RCN2: variants seen among roughly 807,000 people sequenced by gnomAD.
The protein encoded by RCN2 is reticulocalbin 2.
A neutral mutation model predicts 37.5 loss-of-function variants in RCN2; 23 were observed. That is an observed-to-expected ratio of 0.61 (90% CI 0.44 to 0.87). The LOEUF is 0.87. RCN2 is among the 40% of genes least tolerant of loss of function. The pLI, the probability that RCN2 is intolerant of heterozygous loss-of-function variation, is 0.00. For synonymous variants in RCN2, 140 were observed against 144.6 expected, an observed-to-expected ratio of 0.97 and a Z score of 0.23; for missense variants, 381 against 390.4, an observed-to-expected ratio of 0.98 and a Z score of 0.20.
At chr15:76,948,611 G>T in intron 6 of RCN2, 59 bp downstream of exon 6, 1 of 1,438,210 alleles carries the variant, frequency 7.0e-7, no homozygotes. Flanking sequence ...TGGTGCTGTT[G>T]ATAGGAAAAG....
intron 2 of RCN2, among the ~76,000 whole-genome samples, chr15:76,933,612 T>C (rs1490755461): frequency 6.6e-6 from 1 of 152,188 alleles, no homozygotes. Context: ...CTTAGAAAAG[T>C]TTTAGTCCAA....
At position 76,948,386 on chromosome 15, in the gene RCN2, A is replaced by G. The variant is rs1157815663; in HGVS notation, c.659-24A>G. The G allele has an allele frequency of 5.9e-6, 9 of 1,530,840 alleles. No homozygotes were observed. In the South Asian group the frequency reaches 1.1e-4, roughly 18 times the overall value. The allele number at this position is 1,530,840 out of a possible 1,614,324, so 94.8% of individuals were successfully genotyped here. ...ATACATGTGATATTCTTGTGTATGT[A>G]TATTTGTGTTTTTTTATATTAAGCT... On this transcript the variant is annotated intron_variant, in intron 5 of 6. Transcript: ENST00000394885.
At position 76,943,755 on chromosome 15, in the gene RCN2, A is replaced by G; in HGVS notation, c.448-3A>G. 1 of 1,550,762 alleles carries G rather than the reference A, an allele frequency of 6.4e-7. No individual in the cohort carries two copies. The highest frequency in any genetic ancestry group is 8.8e-7 in the Non-Finnish European group (1 of 1,130,142). On this transcript the variant is annotated splice_polypyrimidine_tract_variant and splice_region_variant and intron_variant, in intron 3 of 6. Coordinates refer to ENST00000394885, the MANE Select transcript of RCN2 (RefSeq NM_002902.3). ...TACTAATGAGAAATTTTAATTTTCAAAGCTTCACTTAAAGGACAAGAAGCG... is the reference window on the plus strand; with the variant it reads ...TACTAATGAGAAATTTTAATTTTCAGAGCTTCACTTAAAGGACAAGAAGCG...
intron 3 of RCN2, among the ~76,000 whole-genome samples, chr15:76,940,220 C>G (rs2075271216): frequency 6.6e-6 from 1 of 151,492 alleles, no homozygotes; most frequent in African/African-American, 2.4e-5. Flanking sequence ...GTCCCAGCTG[C>G]TCAGGAGGCT....
chr15:76,944,519 C>T (rs1043955843), intron 4 of RCN2, among the ~76,000 whole-genome samples: 1 of 152,096 alleles, frequency 6.6e-6, no homozygotes, highest in South Asian at 2.1e-4. Flanking sequence ...AGCGCCCCCT[C>T]CCCCAACACT....
At chr15:76,947,267 T>G (rs2075300217) in intron 4 of RCN2, among the ~76,000 whole-genome samples, 154 bp from the exon 5 acceptor site, 1 of 152,252 alleles carries the variant, frequency 6.6e-6, no homozygotes, top group Non-Finnish European at 1.5e-5. Flanking sequence ...AAGTGATTTT[T>G]CCTGTATAAG....
chr15:76,939,282 T>G (rs977424783), intron 3 of RCN2, among the ~76,000 whole-genome samples: 2 of 148,604 alleles, frequency 1.3e-5, no homozygotes, highest in Non-Finnish European at 3.0e-5. Context: ...AAATAAAAAT[T>G]TCCTCTTTAG....
At chr15:76,941,777 G>C (rs868460343) in intron 3 of RCN2, 1 of 646,026 alleles carries the variant, frequency 1.5e-6, no homozygotes. Context: ...TTTTTTTAAA[G>C]AAATCTCAGC....
rs774160317 is a variant in RCN2, at chr15:76,949,255, C to T, written c.*33C>T. On this transcript the variant is annotated 3_prime_UTR_variant, in exon 7 of 7. Coordinates refer to ENST00000394885, the MANE Select transcript of RCN2 (RefSeq NM_002902.3). ...GCCTGTCTCAGTAGAGTACTGGCTC[C>T]TTTTATAATTTGTTACCAGCTTTAC... is the stretch of plus-strand genomic sequence containing the variant. 3 of 1,408,026 alleles carry T rather than the reference C, an allele frequency of 2.1e-6. No individual in the cohort carries two copies. The highest frequency in any genetic ancestry group is 2.9e-6 in the Non-Finnish European group (3 of 1,052,566). 87.2% of individuals were successfully genotyped at this position (1,408,026 alleles called of 1,614,324 possible).
At chr15:76,933,252 T>C (rs369456868) in intron 2 of RCN2, among the ~76,000 whole-genome samples, 2 of 152,242 alleles carry the variant, frequency 1.3e-5, no homozygotes, top group Non-Finnish European at 2.9e-5. Flanking sequence ...CAGGTTGTTA[T>C]TGTGACTCTT....
chr15:76,947,752 C>A, intron 5 of RCN2: 1 of 419,420 alleles, frequency 2.4e-6, no homozygotes, highest in Non-Finnish European at 4.2e-6. Context: ...TCTTTCTTTT[C>A]AAACAAATCT....
chr15:76,939,231 A>AAATAAAT (rs2075266745), intron 3 of RCN2, among the ~76,000 whole-genome samples: 3 of 144,544 alleles, frequency 2.1e-5, no homozygotes, highest in African/African-American at 7.7e-5. Flanking sequence ...CTCATTTCTA[A>AAATAAAT]AAATAAATAA....
chr15:76,940,580 GCT>G (rs2075273024), intron 3 of RCN2, among the ~76,000 whole-genome samples: 1 of 132,530 alleles, frequency 7.5e-6, no homozygotes, highest in Non-Finnish European at 1.6e-5. Context: ...AGGGAGTGTC[GCT>G]CTGTCACCCA....
Position 76,948,420 on chromosome 15 carries a change from A to G in RCN2, c.669A>G (p.Glu223=). Residue 223 remains glutamate (E), a synonymous_variant, in exon 6 of 7, where the codon GAA becomes GAG. Transcript: ENST00000394885. The part of the protein sequence containing the change: ...GDYRWDPTAN[E]DPEWILVEKD... Reference sequence around the variant, plus strand: ...TTTTTTTATATTAAGCTGCAAATGAAGATCCAGAATGGATACTTGTTGAGA... The same window carrying G: ...TTTTTTTATATTAAGCTGCAAATGAGGATCCAGAATGGATACTTGTTGAGA... 1 of 1,592,168 alleles carries G rather than the reference A, an allele frequency of 6.3e-7. No individual in the cohort carries two copies. Among genetic ancestry groups the G allele is most frequent in the Non-Finnish European group, 8.6e-7 (1 of 1,167,484 alleles).
intron 3 of RCN2, chr15:76,941,761 T>A: frequency 1.8e-5 from 6 of 341,738 alleles, no homozygotes; most frequent in Non-Finnish European, 2.9e-5. Flanking sequence ...CCCCCTTCAC[T>A]TTTTTTTTTT....
chr15:76,953,572 TA>T lies in RCN2; in HGVS notation c.*4351del, dbSNP rs1568463457. 2.7e-3 allele frequency: 49 copies of T among 18,230 alleles called. No individual in the cohort carries two copies. The highest frequency in any genetic ancestry group is 5.0e-3 in the Non-Finnish European group (43 of 8,620). The allele number at this position is 18,230 out of a possible 1,614,324, so 1.1% of individuals were successfully genotyped here. A position where few individuals can be genotyped will look rare whatever the true frequency, so the allele number is the denominator to read the frequency against. On this transcript the variant is annotated 3_prime_UTR_variant, in exon 7 of 7. Transcript: ENST00000394885. ...TAGTAATTCTATATATATATATATATATATATATATATATATATATATTTTT... is the reference window on the plus strand; with the variant it reads ...TAGTAATTCTATATATATATATATATTATATATATATATATATATATTTTT...
chr15:76,938,925 G>T (rs2075264956), intron 3 of RCN2: 4 of 362,438 alleles, frequency 1.1e-5, no homozygotes, highest in Non-Finnish European at 1.2e-5. Flanking sequence ...TCAGCACTTT[G>T]GGAAGCCAAG....
intron 5 of RCN2, 26 bp downstream of exon 5, chr15:76,947,543 A>G (rs2075301427): frequency 7.2e-7 from 1 of 1,395,710 alleles, no homozygotes; most frequent in Non-Finnish European, 1.0e-6. Flanking sequence ...GAATGTGAAA[A>G]GAGAAAAGGA....
In RCN2 at chr15:76,954,129, A is replaced by T. The variant is rs1220274155; in HGVS notation, c.*4907A>T. ...TTGTGGCTTTGATTTGCATTTCCCT[A>T]ATGGTCTGTCTCTACAGTTTTGCCT... On this transcript the variant is annotated 3_prime_UTR_variant, in exon 7 of 7. Transcript: ENST00000394885. 1.4e-5 allele frequency: 2 copies of T among 145,238 alleles called. No individual in the cohort carries two copies. The highest frequency in any genetic ancestry group is 5.2e-5 in the African/African-American group (2 of 38,786). The allele number at this position is 145,238 out of a possible 1,614,324, so 9.0% of individuals were successfully genotyped here.
Sources: allele counts gnomAD v4.1 joint callset (sites outside exome capture counted in the v4.1 genomes callset), GRCh38; gene constraint gnomAD v4.1.1; transcripts MANE v1.5; gene names NCBI Gene and HGNC (gene_info 2026-07-23, HGNC 2026-07-21).